The following SKIL variants were observed in gnomAD, a reference collection of about 807,000 sequenced individuals.
SKIL encodes the protein SKI like proto-oncogene, also known as ski-like protein.
SKIL carries 20 observed loss-of-function variants against 69.6 expected under a neutral mutation model. The observed-to-expected ratio is 0.29, with a 90% CI of 0.20 to 0.42. SKIL has a LOEUF of 0.42. SKIL is among the 10% of genes least tolerant of loss of function. The pLI, the probability that SKIL is intolerant of heterozygous loss-of-function variation, is 1.00. For synonymous variants in SKIL, 310 were observed against 279.9 expected, an observed-to-expected ratio of 1.11 and a Z score of -1.08; for missense variants, 745 against 783.1, an observed-to-expected ratio of 0.95 and a Z score of 0.58.
chr3:170,381,278 G>A lies in SKIL; in HGVS notation c.1133G>A (p.Trp378Ter), dbSNP rs759184378. ...DAPSGMELQSWYPVIKQEGDH... is the reference protein window; with the variant it reads ...DAPSGMELQS ...CCATCAGGAATGGAATTACAGTCAT[G>A]GTATCCTGTTATAAAGCAGGAAGGT... The change falls in exon 3 of 7, where the codon TGG becomes TAG. Residue 378 changes from tryptophan (W) to a stop codon, truncating the protein, a stop_gained. Transcript: ENST00000259119. LOFTEE classifies it high-confidence loss of function. The A allele has an allele frequency of 1.3e-6, 2 of 1,596,442 alleles. No homozygotes were observed. The highest frequency in any genetic ancestry group is 1.7e-6 in the Non-Finnish European group (2 of 1,164,090).
At chr3:170,358,932 G>C (rs1481762945) in intron 1 of SKIL, among the ~76,000 whole-genome samples, 2 of 152,164 alleles carry the variant, frequency 1.3e-5, no homozygotes, top group East Asian at 3.8e-4. Flanking sequence ...GAAAAATAGT[G>C]TACACGGACT....
chr3:170,366,874 A>G (rs1184797723), intron 2 of SKIL, among the ~76,000 whole-genome samples: 4 of 152,210 alleles, frequency 2.6e-5, no homozygotes. Flanking sequence ...TCACATCTTC[A>G]GTGGATATTC....
In SKIL at chr3:170,395,579, A is replaced by G. The variant is rs754477636; in HGVS notation, c.*3162A>G. On this transcript the variant is annotated 3_prime_UTR_variant, in exon 7 of 7. Coordinates refer to ENST00000259119, the MANE Select transcript of SKIL (RefSeq NM_005414.5). ...GGTAGCTTCTGTTTGAAGGAAGGTA[A>G]AGTTATAAGGAAACTCAAATACTAT... The G allele has an allele frequency of 6.6e-6, 1 of 152,076 alleles. No homozygotes were observed. The highest frequency in any genetic ancestry group is 1.5e-5 in the Non-Finnish European group (1 of 67,936). The allele number at this position is 152,076 out of a possible 1,614,324, so 9.4% of individuals were successfully genotyped here. A position where few individuals can be genotyped will look rare whatever the true frequency, so the allele number is the denominator to read the frequency against.
At position 170,386,126 on chromosome 3, in the gene SKIL, TG is replaced by T. The variant is rs1220056271; in HGVS notation, c.1429+1362del. Among the ~76,000 whole-genome samples the T allele has an allele frequency of 4.0e-5, 6 of 149,808 alleles. No homozygotes were observed. In the East Asian group the frequency reaches 1.2e-3, roughly 30 times the overall value. ...TTGGGTGGGGGTTTTCTGGTTTTTT[TG>T]TTTGTTTGTTTGTTTGTTTGGAGAC... On this transcript the variant is annotated intron_variant, in intron 4 of 6. Transcript: ENST00000259119.
intron 4 of SKIL, among the ~76,000 whole-genome samples, chr3:170,387,292 C>T (rs1428855698): frequency 6.6e-6 from 1 of 152,138 alleles, no homozygotes; most frequent in East Asian, 1.9e-4. Context: ...ATGTTTTCAT[C>T]ACTCCAAAAA....
At chr3:170,365,486 C>T (rs1418469815) in intron 2 of SKIL, among the ~76,000 whole-genome samples, 3 of 152,098 alleles carry the variant, frequency 2.0e-5, no homozygotes, top group South Asian at 2.1e-4. Context: ...ACTGCCATAT[C>T]GTGCACATAT....
At chr3:170,364,701 T>C (rs1577410942) in intron 2 of SKIL, among the ~76,000 whole-genome samples, 1 of 152,190 alleles carries the variant, frequency 6.6e-6, no homozygotes, top group East Asian at 1.9e-4. Flanking sequence ...TGTGTTTATG[T>C]GAAAAACATC....
intron 2 of SKIL, among the ~76,000 whole-genome samples, chr3:170,361,831 C>T (rs1736256194): frequency 6.6e-6 from 1 of 151,862 alleles, no homozygotes; most frequent in Non-Finnish European, 1.5e-5. Context: ...GTGATCCGCC[C>T]ACCTTGGCCT....
chr3:170,386,277 T>C (rs1325546378), intron 4 of SKIL, among the ~76,000 whole-genome samples: 3 of 151,716 alleles, frequency 2.0e-5, no homozygotes, highest in South Asian at 2.1e-4. Flanking sequence ...ATTATAGGCA[T>C]GCACCACCAC....
chr3:170,376,993 C>T (rs1041933547), intron 2 of SKIL, among the ~76,000 whole-genome samples: 4 of 152,172 alleles, frequency 2.6e-5, no homozygotes, highest in South Asian at 2.1e-4. Context: ...CTCAGATTGT[C>T]TTGCTTTTTG....
intron 6 of SKIL, among the ~76,000 whole-genome samples, chr3:170,391,898 G>T (rs781517894): frequency 1.1e-4 from 16 of 152,112 alleles, no homozygotes; most frequent in Non-Finnish European, 2.1e-4. Context: ...ACTGTTGCCT[G>T]TTATGTTCAA....
At chr3:170,372,192 A>G (rs1187854778) in intron 2 of SKIL, among the ~76,000 whole-genome samples, 2 of 152,194 alleles carry the variant, frequency 1.3e-5, no homozygotes, top group Non-Finnish European at 1.5e-5. Context: ...TTCAAGTTCT[A>G]AAGGGGATGT....
intron 2 of SKIL, among the ~76,000 whole-genome samples, chr3:170,370,145 A>G (rs1253801328): frequency 1.3e-5 from 2 of 152,084 alleles, no homozygotes; most frequent in African/African-American, 2.4e-5. Flanking sequence ...AGGCTGAGGC[A>G]GGAGAATGGC....
Position 170,360,361 on chromosome 3 carries a change from G to A in SKIL, c.30G>A (p.Leu10=). ...AAAACCTCCAGACAAATTTCTCCTT[G>A]GTTCAGGGCTCAACTAAAAAACTGA... The part of the protein sequence containing the change: MENLQTNFS[L]VQGSTKKLNG... Residue 10 remains leucine (L), a synonymous_variant, in exon 2 of 7, where the codon TTG becomes TTA. Transcript: ENST00000259119. 1 of 1,569,386 alleles carries A rather than the reference G, an allele frequency of 6.4e-7. No individual in the cohort carries two copies.
intron 2 of SKIL, among the ~76,000 whole-genome samples, chr3:170,363,726 C>T (rs1300113717): frequency 6.6e-6 from 1 of 152,114 alleles, no homozygotes; most frequent in Non-Finnish European, 1.5e-5. Context: ...CTCGGGTGAT[C>T]CACCCGCCTT....
At chr3:170,387,163 G>A (rs1057310547) in intron 4 of SKIL, among the ~76,000 whole-genome samples, 1 of 151,950 alleles carries the variant, frequency 6.6e-6, no homozygotes, top group Non-Finnish European at 1.5e-5. Flanking sequence ...GATTACAGGC[G>A]TGTGTCACCA....
chr3:170,373,645 GA>G (rs1160569167), intron 2 of SKIL, among the ~76,000 whole-genome samples: 8 of 152,120 alleles, frequency 5.3e-5, no homozygotes, highest in African/African-American at 1.7e-4. Context: ...TTAAAAATTA[GA>G]GTGCCACCTA....
In SKIL at chr3:170,394,115, ATTTTTTTTTTTTTTTTTTT is replaced by A. The variant is rs559327626; in HGVS notation, c.*1711_*1729del. Reference sequence around the variant, plus strand: ...ATATTAAAATGACATGTAGAAACAAATTTTTTTTTTTTTTTTTTTTTTTTTTTTTTTGAGACAGAGTCTC... The same window carrying A: ...ATATTAAAATGACATGTAGAAACAAATTTTTTTTTTTTGAGACAGAGTCTC... On this transcript the variant is annotated 3_prime_UTR_variant, in exon 7 of 7. Coordinates refer to ENST00000259119, the MANE Select transcript of SKIL (RefSeq NM_005414.5). 1 of 74,324 alleles carries A rather than the reference ATTTTTTTTTTTTTTTTTTT, an allele frequency of 1.3e-5. No homozygotes were observed. Among genetic ancestry groups the A allele is most frequent in the African/African-American group, 5.2e-5 (1 of 19,300 alleles). The allele number at this position is 74,324 out of a possible 1,614,324, so 4.6% of individuals were successfully genotyped here.
chr3:170,388,222 T>C (rs1471925949), intron 4 of SKIL, among the ~76,000 whole-genome samples: 1 of 152,188 alleles, frequency 6.6e-6, no homozygotes, highest in Admixed American at 6.5e-5. Flanking sequence ...TGTGAAGTGG[T>C]ATTTCATGGT....
Sources: gnomAD v4.1 joint callset for allele counts (sites outside exome capture counted in the v4.1 genomes callset) on GRCh38, gnomAD v4.1.1 for gene constraint, MANE v1.5 for transcripts, NCBI Gene and HGNC (gene_info 2026-07-23, HGNC 2026-07-21) for gene names.